Variants in PBX3 observed in about 807,000 individuals in gnomAD.
PBX3 encodes the protein PBX homeobox 3.
Under a neutral mutation model 48.5 loss-of-function variants are expected in PBX3, and 14 were observed. That is an observed-to-expected ratio of 0.29 (90% CI 0.19 to 0.45). The LOEUF is 0.45. PBX3 is among the 20% of genes least tolerant of loss of function. PBX3 has a pLI of 1.00. For synonymous variants in PBX3, 210 were observed against 200.3 expected, an observed-to-expected ratio of 1.05 and a Z score of -0.41; for missense variants, 386 against 546.7, an observed-to-expected ratio of 0.71 and a Z score of 2.93.
rs557176460 is a variant in PBX3 at position 125,862,869 on chromosome 9, T to C, written c.275-52817T>C. Among the ~76,000 whole-genome samples the C allele has an allele frequency of 3.9e-5, 6 of 152,230 alleles. No individual in the cohort carries two copies. The South Asian group carries it at 1.2e-3, about 32-fold the overall frequency. On this transcript the variant is annotated intron_variant, in intron 2 of 8. Transcript: ENST00000373489. ...TATTTTGTATGTATTTTTCTTTTCATGTGTGTACAAGAGTGATGTATGATT... is the reference window on the plus strand; with the variant it reads ...TATTTTGTATGTATTTTTCTTTTCACGTGTGTACAAGAGTGATGTATGATT...
intron 2 of PBX3, among the ~76,000 whole-genome samples, chr9:125,887,413 A>C (rs187922552): frequency 1.4e-4 from 21 of 152,322 alleles, no homozygotes; most frequent in Non-Finnish European, 2.9e-5. Flanking sequence ...ATTTGTTAGA[A>C]TAGCTTGTTA....
intron 2 of PBX3, among the ~76,000 whole-genome samples, chr9:125,762,218 G>C (rs1836687696): frequency 6.6e-6 from 1 of 152,022 alleles, no homozygotes. Flanking sequence ...GAACTGCAAA[G>C]CTGAGTACAA....
intron 2 of PBX3, among the ~76,000 whole-genome samples, chr9:125,816,608 CTGAG>C: frequency 6.6e-6 from 1 of 152,298 alleles, no homozygotes; most frequent in South Asian, 2.1e-4. Flanking sequence ...GGTCACTTGC[CTGAG>C]TAAGTTGCAG....
At chr9:125,787,350 CTT>C (rs773219729) in intron 2 of PBX3, among the ~76,000 whole-genome samples, 1 of 151,842 alleles carries the variant, frequency 6.6e-6, no homozygotes, top group East Asian at 1.9e-4. Flanking sequence ...AAGATAATCT[CTT>C]CAGTAAGTTG....
At chr9:125,906,080 AAT>A (rs1267711046) in intron 2 of PBX3, among the ~76,000 whole-genome samples, 1 of 152,018 alleles carries the variant, frequency 6.6e-6, no homozygotes, top group Non-Finnish European at 1.5e-5. Context: ...GTTACATAGG[AAT>A]ATAGAAGCCA....
chr9:125,868,763 T>C (rs1840049086), intron 2 of PBX3, among the ~76,000 whole-genome samples: 1 of 152,170 alleles, frequency 6.6e-6, no homozygotes, highest in Non-Finnish European at 1.5e-5. Context: ...GTAATGGAAA[T>C]CGTATTTTCC....
At chr9:125,779,376 T>TC (rs1837175174) in intron 2 of PBX3, among the ~76,000 whole-genome samples, 1 of 138,844 alleles carries the variant, frequency 7.2e-6, no homozygotes, top group Admixed American at 7.3e-5. Context: ...AACAAAGGTC[T>TC]CTGGTTTTCC....
chr9:125,958,694 T>C (rs1271727700), intron 5 of PBX3, among the ~76,000 whole-genome samples: 2 of 152,170 alleles, frequency 1.3e-5, no homozygotes, highest in Non-Finnish European at 2.9e-5. Flanking sequence ...CGACTTCCTC[T>C]TAGACCCATT....
chr9:125,866,148 A>G (rs889532860), intron 2 of PBX3, among the ~76,000 whole-genome samples: 15 of 152,196 alleles, frequency 9.9e-5, no homozygotes, highest in Middle Eastern at 3.2e-3. Flanking sequence ...TTAATTTTCA[A>G]AAGTGAGTTA....
At chr9:125,928,726 A>G (rs759831562) in intron 3 of PBX3, among the ~76,000 whole-genome samples, 3 of 152,012 alleles carry the variant, frequency 2.0e-5, no homozygotes, top group South Asian at 2.1e-4. Flanking sequence ...CAGCCTCCCA[A>G]TGTGCTGGGA....
At chr9:125,780,074 C>G (rs1234114933) in intron 2 of PBX3, among the ~76,000 whole-genome samples, 11 of 132,444 alleles carry the variant, frequency 8.3e-5, no homozygotes, top group African/African-American at 2.3e-4. Flanking sequence ...CTGACCCCCC[C>G]ACCTCCCTCC....
At chr9:125,908,105 G>A (rs1348847320) in intron 2 of PBX3, among the ~76,000 whole-genome samples, 7 of 152,088 alleles carry the variant, frequency 4.6e-5, no homozygotes, top group Admixed American at 3.9e-4. Context: ...CAAATGTAAG[G>A]TAAGAAAGTT....
chr9:125,773,978 AG>A (rs976876068), intron 2 of PBX3, among the ~76,000 whole-genome samples: 64 of 152,336 alleles, frequency 4.2e-4, no homozygotes, highest in African/African-American at 1.5e-3. Flanking sequence ...TCCCCTCTAA[AG>A]AAACCCCATA....
intron 2 of PBX3, among the ~76,000 whole-genome samples, chr9:125,913,831 C>T (rs1841261899): frequency 6.6e-6 from 1 of 152,020 alleles, no homozygotes; most frequent in South Asian, 2.1e-4. Flanking sequence ...ACACACAAAA[C>T]TGTGGGCAAA....
chr9:125,899,435 A>G (rs865972739), intron 2 of PBX3, among the ~76,000 whole-genome samples: 41 of 113,576 alleles, frequency 3.6e-4, no homozygotes, highest in African/African-American at 1.3e-3. Context: ...GTCTATATAT[A>G]TGTGTGTATA....
At chr9:125,913,245 C>T (rs946048946) in intron 2 of PBX3, among the ~76,000 whole-genome samples, 1 of 152,012 alleles carries the variant, frequency 6.6e-6, no homozygotes, top group African/African-American at 2.4e-5. Flanking sequence ...ATTTGATGCA[C>T]ATAATTTATA....
rs1156759934 is a variant in PBX3 at position 125,759,919 on chromosome 9, C to T, written c.274+11296C>T. ...GAGCTGCTTGAAATGCAAAGAGCAA[C>T]GATTGATTGGATTTGAGGGTTACAA... On this transcript the variant is annotated intron_variant, in intron 2 of 8. Transcript: ENST00000373489. The surrounding 1 kb of genome is among the most constrained non-coding windows in gnomAD (Gnocchi z 4.2). 6.6e-6 allele frequency among the ~76,000 whole-genome samples: 1 copy of T among 152,160 alleles called. No homozygotes were observed. Among genetic ancestry groups the T allele is most frequent in the Non-Finnish European group, 1.5e-5 (1 of 68,014 alleles).
chr9:125,905,780 T>C (rs1435068940), intron 2 of PBX3, among the ~76,000 whole-genome samples: 1 of 152,020 alleles, frequency 6.6e-6, no homozygotes. Flanking sequence ...TACTTAAGAA[T>C]ATGCTGTTTT....
intron 2 of PBX3, among the ~76,000 whole-genome samples, chr9:125,860,820 G>A (rs1307012170): frequency 6.7e-6 from 1 of 148,538 alleles, no homozygotes; most frequent in African/African-American, 2.5e-5. Context: ...CCAGGAGGCA[G>A]AGGTTGCAGT....
Sources: gnomAD v4.1 joint callset for allele counts (sites outside exome capture counted in the v4.1 genomes callset) on GRCh38, gnomAD v4.1.1 for gene constraint, Gnocchi (gnomAD v3.1) non-coding constraint, MANE v1.5 for transcripts, NCBI Gene and HGNC (gene_info 2026-07-23, HGNC 2026-07-21) for gene names.